The following MICAL2 variants were observed in gnomAD, a reference collection of about 807,000 sequenced individuals.
The protein encoded by MICAL2 is [F-actin]-monooxygenase MICAL2.
Under a neutral mutation model 127.3 loss-of-function variants are expected in MICAL2, and 77 were observed. That is an observed-to-expected ratio of 0.60 (90% CI 0.50 to 0.73). The LOEUF is 0.73. MICAL2 is among the 30% of genes least tolerant of loss of function. MICAL2 has a pLI of 0.00. For missense variants in MICAL2, 1,351 were observed against 1,434.4 expected, an observed-to-expected ratio of 0.94 and a Z score of 0.94; for synonymous variants, 570 against 551.1, an observed-to-expected ratio of 1.03 and a Z score of -0.48.
intron 1 of MICAL2, among the ~76,000 whole-genome samples, chr11:12,278,277 C>G (rs1380850299): frequency 6.6e-6 from 1 of 152,268 alleles, no homozygotes; most frequent in Non-Finnish European, 1.5e-5. Context: ...TTAAAACACA[C>G]ACACACATTG....
At chr11:12,351,381 A>T (rs545862085) in intron 33 of MICAL2, among the ~76,000 whole-genome samples, 112 of 152,304 alleles carry the variant, frequency 7.4e-4, no homozygotes, top group South Asian at 1.5e-3. Flanking sequence ...TTTTGTTGTC[A>T]CATCTAGGGG....
intron 31 of MICAL2, among the ~76,000 whole-genome samples, chr11:12,326,283 G>C (rs565695263): frequency 6.6e-6 from 1 of 152,340 alleles, no homozygotes; most frequent in Admixed American, 6.5e-5. Flanking sequence ...CAGGTGCAAA[G>C]TCTGTTCTGC....
intron 1 of MICAL2, among the ~76,000 whole-genome samples, chr11:12,118,188 A>G (rs1850199813): frequency 6.6e-6 from 1 of 152,218 alleles, no homozygotes; most frequent in Non-Finnish European, 1.5e-5. Flanking sequence ...TTACCCACAC[A>G]TACATACATA....
downstream of MICAL2, chr11:12,293,475 G>T: frequency 1.4e-6 from 2 of 1,458,590 alleles, no homozygotes; most frequent in South Asian, 1.4e-5. Flanking sequence ...AAACAGGGAG[G>T]GGGTTGTAGA....
At chr11:12,276,681 A>G (rs942503361) in intron 1 of MICAL2, 1 of 152,344 alleles carries the variant, frequency 6.6e-6, no homozygotes, top group Non-Finnish European at 1.5e-5. Flanking sequence ...TGCAGACTCC[A>G]GGACTCGCCC....
intron 12 of MICAL2, chr11:12,224,373 C>A (rs371526131): frequency 2.6e-5 from 9 of 339,974 alleles, no homozygotes; most frequent in Admixed American, 2.4e-4. Flanking sequence ...ATCATCACCC[C>A]CTCTGTGACT....
At chr11:12,258,672 G>A in intron 25 of MICAL2, 116 bp downstream of exon 25, 1 of 893,890 alleles carries the variant, frequency 1.1e-6, no homozygotes. Flanking sequence ...ATGACTCACA[G>A]ATAAAGAAGA....
At chr11:12,163,421 A>G (rs1484693557) in intron 3 of MICAL2, among the ~76,000 whole-genome samples, 1 of 152,058 alleles carries the variant, frequency 6.6e-6, no homozygotes, top group Non-Finnish European at 1.5e-5. Flanking sequence ...AGAGGATTGA[A>G]CTCTCCATGG....
intron 32 of MICAL2, among the ~76,000 whole-genome samples, chr11:12,329,862 G>GAA (rs59395634): frequency 0.019 from 2,293 of 121,692 alleles, 34 homozygotes; most frequent in African/African-American, 0.05. Context: ...CCCCAAATAT[G>GAA]AAAAAAAAAA....
At chr11:12,344,829 C>T (rs762217297) in intron 32 of MICAL2, among the ~76,000 whole-genome samples, 2 of 150,226 alleles carry the variant, frequency 1.3e-5, no homozygotes, top group Non-Finnish European at 3.0e-5. Context: ...AAATTGTGGA[C>T]CAGGTGCGGT....
At chr11:12,226,968 T>G (rs2706643) in intron 14 of MICAL2, 57 bp from the exon 15 acceptor site, 212,767 of 1,376,370 alleles carry the variant, frequency 0.15, 18,288 homozygotes, top group African/African-American at 0.31. Context: ...CTCCTTGTTA[T>G]AGCCATACTT....
intron 2 of MICAL2, among the ~76,000 whole-genome samples, chr11:12,284,977 A>C (rs975946034): frequency 6.6e-6 from 1 of 152,248 alleles, no homozygotes; most frequent in African/African-American, 2.4e-5. Context: ...GCGATAGAAA[A>C]AGAGTTTAAT....
chr11:12,160,488 C>A (rs1156745186), intron 2 of MICAL2, among the ~76,000 whole-genome samples: 5 of 152,208 alleles, frequency 3.3e-5, no homozygotes, highest in African/African-American at 9.7e-5. Flanking sequence ...CGCTGGACAT[C>A]CCCACCGCAC....
At chr11:12,148,950 G>T (rs1320597042) in intron 2 of MICAL2, among the ~76,000 whole-genome samples, 2 of 152,174 alleles carry the variant, frequency 1.3e-5, no homozygotes, top group African/African-American at 4.8e-5. Context: ...TATGGATGAA[G>T]AAACTGAGGT....
At chr11:12,234,077 C>T (rs949620426) in intron 15 of MICAL2, among the ~76,000 whole-genome samples, 1 of 152,064 alleles carries the variant, frequency 6.6e-6, no homozygotes, top group Non-Finnish European at 1.5e-5. Context: ...AGGTTGTCCC[C>T]GTCCATGTCC....
intron 26 of MICAL2, chr11:12,260,186 C>T (rs1862905877): frequency 2.0e-6 from 3 of 1,485,598 alleles, no homozygotes; most frequent in Middle Eastern, 1.8e-4. Flanking sequence ...GGCTGGCTGC[C>T]CCAAAGTGCC....
intron 2 of MICAL2, 55 bp from the exon 3 acceptor site, chr11:12,162,024 C>T (rs1272536833): frequency 4.0e-6 from 5 of 1,245,582 alleles, no homozygotes; most frequent in Non-Finnish European, 4.5e-6. Context: ...AGCACCCATC[C>T]CCCACCCTAA....
intron 12 of MICAL2, among the ~76,000 whole-genome samples, chr11:12,224,155 A>G (rs1439982227): frequency 6.6e-6 from 1 of 152,176 alleles, no homozygotes; most frequent in Non-Finnish European, 1.5e-5. Context: ...AGGTTTTTCT[A>G]GATTCTTAGC....
At chr11:12,304,637 AACACACAC>A (rs57280679) in intron 29 of MICAL2, among the ~76,000 whole-genome samples, 6,547 of 128,716 alleles carry the variant, frequency 0.051, 282 homozygotes, top group African/African-American at 0.058. Flanking sequence ...CTCTGTCTCA[AACACACAC>A]ACACACACAC....
Sources: allele counts gnomAD v4.1 joint callset (sites outside exome capture counted in the v4.1 genomes callset), GRCh38; gene constraint gnomAD v4.1.1; transcripts MANE v1.5; gene names NCBI Gene and HGNC (gene_info 2026-07-23, HGNC 2026-07-21).